Variants in ROR1 observed in about 807,000 individuals in gnomAD.
ROR1 encodes the protein inactive tyrosine-protein kinase transmembrane receptor ROR1.
ROR1 carries 19 observed loss-of-function variants against 78.8 expected under a neutral mutation model. The observed-to-expected ratio is 0.24, with a 90% CI of 0.17 to 0.35. The LOEUF (loss-of-function observed/expected upper bound fraction) is 0.35, where lower values mean the gene tolerates loss of function less well. ROR1 is among the 10% of genes least tolerant of loss of function. The pLI is 1.00. For missense variants in ROR1, 917 were observed against 1,177.8 expected (o/e 0.78, Z 3.24); for synonymous variants, 386 against 433.6 (o/e 0.89, Z 1.36).
rs145366427 is a variant in ROR1 at position 64,012,734 on chromosome 1, G to T, written c.163+3358G>T. ...CTAAACACAGTGGACCAATTTGAGA[G>T]AGTATATATGTTTAAAACGTTTCAT... On this transcript the variant is annotated intron_variant, in intron 2 of 8. Transcript: ENST00000371079. Among the ~76,000 whole-genome samples, 935 of 152,284 alleles carry T rather than the reference G, an allele frequency of 6.1e-3. 8 individuals are homozygous for T. The highest frequency in any genetic ancestry group is 0.022 in the African/African-American group (905 of 41,556).
chr1:63,982,181 C>T (rs1354808792), intron 1 of ROR1, among the ~76,000 whole-genome samples: 1 of 152,038 alleles, frequency 6.6e-6, no homozygotes, highest in Admixed American at 6.6e-5. Flanking sequence ...AGTTCAAGGT[C>T]GCCCAGCTAG....
At chr1:63,947,244 A>T (rs1188557816) in intron 1 of ROR1, among the ~76,000 whole-genome samples, 1 of 152,138 alleles carries the variant, frequency 6.6e-6, no homozygotes, top group East Asian at 1.9e-4. Flanking sequence ...CTTGTTAATC[A>T]TCGCACTGGC....
At chr1:64,094,178 C>G (rs888548976) in intron 4 of ROR1, among the ~76,000 whole-genome samples, 1 of 152,202 alleles carries the variant, frequency 6.6e-6, no homozygotes, top group Admixed American at 6.5e-5. Context: ...CTACCATAGA[C>G]TGTCCCTCTC....
At chr1:63,958,527 C>A (rs1175809467) in intron 1 of ROR1, among the ~76,000 whole-genome samples, 2 of 152,084 alleles carry the variant, frequency 1.3e-5, no homozygotes, top group Non-Finnish European at 2.9e-5. Context: ...TTTCTCTTTG[C>A]CAAGAGGAAG....
intron 2 of ROR1, among the ~76,000 whole-genome samples, chr1:64,048,529 A>G (rs929580420): frequency 6.6e-6 from 1 of 152,190 alleles, no homozygotes; most frequent in Admixed American, 6.5e-5. Flanking sequence ...CAGGGGATCT[A>G]TCCAAGAAGG....
chr1:64,143,274 C>T, intron 7 of ROR1: 1 of 976,880 alleles, frequency 1.0e-6, no homozygotes. Context: ...AATCCCAACA[C>T]TCTAGGAAGG....
chr1:64,012,182 A>G (rs887793920), intron 2 of ROR1, among the ~76,000 whole-genome samples: 2 of 152,238 alleles, frequency 1.3e-5, no homozygotes, highest in South Asian at 4.1e-4. Context: ...TCTAAGGCCT[A>G]GAGTTTTGGT....
At chr1:64,101,865 A>G (rs942463043) in intron 4 of ROR1, among the ~76,000 whole-genome samples, 7 of 152,186 alleles carry the variant, frequency 4.6e-5, no homozygotes, top group African/African-American at 1.7e-4. Flanking sequence ...GCTTTGTGAC[A>G]GAATCATGTT....
At chr1:63,815,436 C>G (rs940805685) in intron 1 of ROR1, among the ~76,000 whole-genome samples, 13 of 142,386 alleles carry the variant, frequency 9.1e-5, no homozygotes, top group African/African-American at 1.1e-4. Context: ...CCTTATATAT[C>G]CAGGACTGGA....
At chr1:63,866,606 G>A (rs1645216824) in intron 1 of ROR1, among the ~76,000 whole-genome samples, 1 of 151,950 alleles carries the variant, frequency 6.6e-6, no homozygotes, top group African/African-American at 2.4e-5. Context: ...TAGGGACCTA[G>A]CCTTTTTTTT....
At chr1:63,954,178 T>C (rs1353946931) in intron 1 of ROR1, among the ~76,000 whole-genome samples, 1 of 152,242 alleles carries the variant, frequency 6.6e-6, no homozygotes, top group Non-Finnish European at 1.5e-5. Flanking sequence ...CTTGTCCTTT[T>C]GCTCCACTTT....
chr1:64,069,513 T>C (rs61765382), intron 4 of ROR1, among the ~76,000 whole-genome samples: 2 of 137,956 alleles, frequency 1.4e-5, no homozygotes, highest in Non-Finnish European at 3.1e-5. Flanking sequence ...CCTCTTGGGT[T>C]AAATGTGTGT....
intron 1 of ROR1, among the ~76,000 whole-genome samples, chr1:63,998,284 A>T (rs1646354755): frequency 6.7e-6 from 1 of 150,326 alleles, no homozygotes; most frequent in African/African-American, 2.5e-5. Flanking sequence ...AGGGTAATTT[A>T]AGGTTTTTTT....
intron 1 of ROR1, among the ~76,000 whole-genome samples, chr1:63,934,106 G>A (rs959394480): frequency 6.6e-6 from 1 of 152,154 alleles, no homozygotes; most frequent in African/African-American, 2.4e-5. Flanking sequence ...ATAAAGCAGT[G>A]ATAAACATCC....
At chr1:64,054,814 A>G (rs962012786) in intron 4 of ROR1, among the ~76,000 whole-genome samples, 1 of 152,186 alleles carries the variant, frequency 6.6e-6, no homozygotes, top group Admixed American at 6.5e-5. Flanking sequence ...TCTGGAGGCT[A>G]GAAGTATGAG....
chr1:64,089,936 T>C (rs1474694166), intron 4 of ROR1, among the ~76,000 whole-genome samples: 1 of 152,142 alleles, frequency 6.6e-6, no homozygotes, highest in African/African-American at 2.4e-5. Context: ...TGAAATCTGA[T>C]GGTTTTATGA....
chr1:63,952,536 C>G (rs949645879), intron 1 of ROR1, among the ~76,000 whole-genome samples: 1 of 152,126 alleles, frequency 6.6e-6, no homozygotes, highest in Non-Finnish European at 1.5e-5. Flanking sequence ...TGCAGGGCCC[C>G]AGGCATGGAG....
chr1:64,137,285 A>C, intron 4 of ROR1, 84 bp from the exon 5 acceptor site: 2 of 1,472,726 alleles, frequency 1.4e-6, no homozygotes, highest in Non-Finnish European at 1.9e-6. Context: ...CCTAGTGACT[A>C]TTTAGGGTAT....
chr1:64,113,234 C>T (rs1408292259), intron 4 of ROR1, among the ~76,000 whole-genome samples: 1 of 152,112 alleles, frequency 6.6e-6, no homozygotes, highest in Non-Finnish European at 1.5e-5. Context: ...AATGTGCATA[C>T]ATTAAGGGAA....
Sources: allele counts gnomAD v4.1 joint callset (sites outside exome capture counted in the v4.1 genomes callset), GRCh38; gene constraint gnomAD v4.1.1; transcripts MANE v1.5; gene names NCBI Gene and HGNC (gene_info 2026-07-23, HGNC 2026-07-21).